NLGN1: variants seen among roughly 807,000 people sequenced by gnomAD.
NLGN1 encodes neuroligin-1.
Under a neutral mutation model 65.5 loss-of-function variants are expected in NLGN1, and 12 were observed. The ratio of observed to expected loss-of-function variants is 0.18; its 90% CI spans 0.12 to 0.30. The LOEUF (loss-of-function observed/expected upper bound fraction) is 0.30, where lower values mean the gene tolerates loss of function less well. Ranked by LOEUF, NLGN1 falls within the 10% of genes least tolerant of loss-of-function variation. The pLI is 1.00. For missense variants in NLGN1, 750 were observed against 1,007.1 expected (o/e 0.74, Z 3.46); for synonymous variants, 350 against 359.5 (o/e 0.97, Z 0.30).
intron 4 of NLGN1, among the ~76,000 whole-genome samples, chr3:174,184,055 A>C (rs938829909): frequency 6.6e-5 from 10 of 152,360 alleles, no homozygotes; most frequent in African/African-American, 2.2e-4. Flanking sequence ...TAAGAAAGCC[A>C]CATAAATGGT....
chr3:173,532,456 G>A (rs1442199931), intron 2 of NLGN1, among the ~76,000 whole-genome samples: 3 of 151,998 alleles, frequency 2.0e-5, no homozygotes, highest in Non-Finnish European at 4.4e-5. Context: ...ATATCCACTA[G>A]GATAACCCAT....
intron 4 of NLGN1, among the ~76,000 whole-genome samples, chr3:174,052,951 T>C (rs2152505518): frequency 6.6e-6 from 1 of 152,136 alleles, no homozygotes; most frequent in East Asian, 1.9e-4. Context: ...CGGCAGTAAA[T>C]GTTTTACAAC....
At chr3:173,506,025 G>C (rs1731976123) in intron 2 of NLGN1, among the ~76,000 whole-genome samples, 1 of 151,960 alleles carries the variant, frequency 6.6e-6, no homozygotes, top group Non-Finnish European at 1.5e-5. Context: ...TTGGCACCAG[G>C]TAAATATTTA....
intron 4 of NLGN1, among the ~76,000 whole-genome samples, chr3:174,263,725 TATG>T (rs1266958227): frequency 1.3e-5 from 2 of 151,874 alleles, no homozygotes; most frequent in Non-Finnish European, 2.9e-5. Context: ...ATCCTGTCAT[TATG>T]ATGTTAGCTG....
chr3:174,242,973 G>T (rs1743170279), intron 4 of NLGN1, among the ~76,000 whole-genome samples: 1 of 152,136 alleles, frequency 6.6e-6, no homozygotes, highest in African/African-American at 2.4e-5. Context: ...AAAGATTCTT[G>T]CCATAGCTTA....
At chr3:174,251,471 G>T (rs968008855) in intron 4 of NLGN1, among the ~76,000 whole-genome samples, 3 of 152,164 alleles carry the variant, frequency 2.0e-5, no homozygotes, top group African/African-American at 7.2e-5. Flanking sequence ...CCTCAACCAG[G>T]AGGTAGCCCT....
At chr3:173,735,286 T>A (rs1773561843) in intron 3 of NLGN1, among the ~76,000 whole-genome samples, 1 of 152,166 alleles carries the variant, frequency 6.6e-6, no homozygotes, top group Non-Finnish European at 1.5e-5. Flanking sequence ...TTTGTTGTTT[T>A]AATACGTGGG....
Position 173,972,852 on chromosome 3 carries a change from T to A in NLGN1, c.646+165020T>A, listed in dbSNP as rs964393444. On this transcript the variant is annotated intron_variant, in intron 4 of 6. Coordinates refer to ENST00000457714, the Ensembl canonical transcript of NLGN1. ...ATTGTTATACATCCAACTCCTTAAG[T>A]CTCAACCAGACTTCCTGAATCAGAA... 2.0e-5 allele frequency among the ~76,000 whole-genome samples: 3 copies of A among 152,076 alleles called. No homozygotes were observed. The East Asian group carries it at 5.8e-4, about 29-fold the overall frequency.
intron 3 of NLGN1, among the ~76,000 whole-genome samples, chr3:173,630,255 C>A (rs1011671999): frequency 1.3e-5 from 2 of 152,050 alleles, no homozygotes; most frequent in African/African-American, 2.4e-5. Context: ...TAATATTTCC[C>A]TCTATTGACA....
intron 4 of NLGN1, among the ~76,000 whole-genome samples, chr3:174,193,891 CTATT>C (rs1385126739): frequency 6.6e-6 from 1 of 151,954 alleles, no homozygotes; most frequent in Non-Finnish European, 1.5e-5. Flanking sequence ...AAAACATTTT[CTATT>C]TGTTTTACAA....
chr3:173,796,058 C>T (rs1713994984), intron 3 of NLGN1, among the ~76,000 whole-genome samples: 1 of 152,166 alleles, frequency 6.6e-6, no homozygotes, highest in Non-Finnish European at 1.5e-5. Flanking sequence ...TAATGGCCAG[C>T]TTTTCTAAGT....
chr3:174,070,873 G>T (rs917412801), intron 4 of NLGN1, among the ~76,000 whole-genome samples: 5 of 152,150 alleles, frequency 3.3e-5, no homozygotes, highest in Admixed American at 1.3e-4. Context: ...TGGGCAACAT[G>T]ATGAGACCCC....
intron 3 of NLGN1, among the ~76,000 whole-genome samples, chr3:173,754,550 G>A (rs1295486886): frequency 6.6e-6 from 1 of 151,954 alleles, no homozygotes; most frequent in Non-Finnish European, 1.5e-5. Flanking sequence ...TTCTATTAGT[G>A]TAAGGATTTT....
intron 4 of NLGN1, among the ~76,000 whole-genome samples, chr3:173,939,625 G>A (rs937985326): frequency 1.3e-5 from 2 of 152,100 alleles, no homozygotes; most frequent in Non-Finnish European, 2.9e-5. Flanking sequence ...GCAGGAAAAT[G>A]TTTTTAACAT....
chr3:174,240,099 G>A (rs963553921), intron 4 of NLGN1, among the ~76,000 whole-genome samples: 5 of 152,050 alleles, frequency 3.3e-5, no homozygotes, highest in African/African-American at 9.7e-5. Flanking sequence ...TTAACAATGG[G>A]TGTGTATAAT....
At chr3:173,898,645 G>T (rs987800272) in intron 4 of NLGN1, among the ~76,000 whole-genome samples, 1 of 152,160 alleles carries the variant, frequency 6.6e-6, no homozygotes, top group African/African-American at 2.4e-5. Context: ...CTGTTGTTGG[G>T]TGTGTATGTT....
At chr3:173,785,924 A>C (rs1335845040) in intron 3 of NLGN1, among the ~76,000 whole-genome samples, 1 of 152,142 alleles carries the variant, frequency 6.6e-6, no homozygotes, top group Non-Finnish European at 1.5e-5. Context: ...TATATGTACA[A>C]CTTTTCATTT....
chr3:173,608,421 G>A (rs1314484696), intron 3 of NLGN1, among the ~76,000 whole-genome samples: 4 of 151,996 alleles, frequency 2.6e-5, no homozygotes, highest in Admixed American at 1.3e-4. Flanking sequence ...GATAGAAACT[G>A]GAGTTTGGTT....
Position 173,481,768 on chromosome 3 carries a change from C to T in NLGN1, c.-321+46690C>T, listed in dbSNP as rs112499727. Among the ~76,000 whole-genome samples the T allele has an allele frequency of 2.7e-3, 415 of 151,720 alleles. 2 individuals carry two copies. Among genetic ancestry groups the T allele is most frequent in the African/African-American group, 9.0e-3 (374 of 41,484 alleles). On this transcript the variant is annotated intron_variant, in intron 2 of 6. Transcript: ENST00000457714. ...CTTTTTAAAAAACAAACAAATTGCT[C>T]TCCAGGAATATTATTATTCCAGTTT...
Sources: gnomAD v4.1 joint callset for allele counts (sites outside exome capture counted in the v4.1 genomes callset) on GRCh38, gnomAD v4.1.1 for gene constraint, MANE v1.5 for transcripts, NCBI Gene and HGNC (gene_info 2026-07-23, HGNC 2026-07-21) for gene names.